The following CDH12 variants were observed in gnomAD, a reference collection of about 807,000 sequenced individuals.
The protein encoded by CDH12 is cadherin 12.
CDH12 carries 41 observed loss-of-function variants against 74.1 expected under a neutral mutation model. That is an observed-to-expected ratio of 0.55 (90% CI 0.43 to 0.72). The LOEUF is 0.72. Among genes scored for constraint, CDH12 ranks in the 30% least tolerant of loss-of-function variants. CDH12 has a pLI of 0.00. For synonymous variants in CDH12, 399 were observed against 355.0 expected, an observed-to-expected ratio of 1.12 and a Z score of -1.39; for missense variants, 945 against 977.2, an observed-to-expected ratio of 0.97 and a Z score of 0.44.
intron 4 of CDH12, among the ~76,000 whole-genome samples, chr5:22,202,691 T>C (rs1263252869): frequency 6.6e-6 from 1 of 152,148 alleles, no homozygotes; most frequent in Non-Finnish European, 1.5e-5. Flanking sequence ...CCATCCATAT[T>C]CTTCACTTTT....
chr5:22,203,302 G>C (rs1233552565), intron 4 of CDH12, among the ~76,000 whole-genome samples: 1 of 152,018 alleles, frequency 6.6e-6, no homozygotes, highest in Non-Finnish European at 1.5e-5. Context: ...ACTTCTATGG[G>C]ATCATCTTTT....
chr5:22,705,158 C>T (rs941653195), intron 1 of CDH12, among the ~76,000 whole-genome samples: 7 of 150,124 alleles, frequency 4.7e-5, no homozygotes, highest in Admixed American at 2.0e-4. Context: ...CACACACACA[C>T]ACACAGTGTA....
At chr5:22,123,132 A>G (rs1394489335) in intron 4 of CDH12, among the ~76,000 whole-genome samples, 1 of 152,326 alleles carries the variant, frequency 6.6e-6, no homozygotes, top group Admixed American at 6.5e-5. Flanking sequence ...TGATGGTATT[A>G]GGAGGTGGGG....
At chr5:22,502,652 GC>G (rs1561452383) in intron 2 of CDH12, among the ~76,000 whole-genome samples, 7 of 137,932 alleles carry the variant, frequency 5.1e-5, no homozygotes, top group African/African-American at 1.8e-4. Context: ...ACACACACAC[GC>G]ACACACAGAC....
At chr5:22,328,116 A>T (rs1341539298) in intron 3 of CDH12, among the ~76,000 whole-genome samples, 1 of 152,138 alleles carries the variant, frequency 6.6e-6, no homozygotes, top group Non-Finnish European at 1.5e-5. Context: ...TCTATCTATA[A>T]ATCCTCCTGG....
At chr5:21,970,293 T>G (rs1412547732) in intron 6 of CDH12, among the ~76,000 whole-genome samples, 1 of 152,294 alleles carries the variant, frequency 6.6e-6, no homozygotes, top group East Asian at 1.9e-4. Flanking sequence ...AGGGCATAGA[T>G]AGAAGTGGAT....
rs537447035 is a variant in CDH12 at position 22,536,478 on chromosome 5, G to A, written c.-522-31114C>T. Among the ~76,000 whole-genome samples, 5 of 152,190 alleles carry A rather than the reference G, an allele frequency of 3.3e-5. No individual in the cohort carries two copies. The South Asian group carries it at 6.2e-4, about 19-fold the overall frequency. On this transcript the variant is annotated intron_variant, in intron 1 of 14. Transcript: ENST00000382254. ...GTGGTGTTGGCTTGCTGATATTTTT[G>A]TACTTGCCAGGTATTGAAAGTGGTA...
intron 6 of CDH12, among the ~76,000 whole-genome samples, chr5:21,880,490 C>T (rs1752193834): frequency 6.2e-5 from 3 of 48,490 alleles, no homozygotes; most frequent in Admixed American, 2.9e-4. Context: ...TTCCTTCCTT[C>T]CTTCCTTCCT....
At chr5:22,110,321 G>T (rs1245761673) in intron 4 of CDH12, among the ~76,000 whole-genome samples, 2 of 152,146 alleles carry the variant, frequency 1.3e-5, no homozygotes, top group Non-Finnish European at 2.9e-5. Flanking sequence ...GGTTCTTCCT[G>T]CTGGTGAACA....
intron 3 of CDH12, among the ~76,000 whole-genome samples, chr5:22,302,250 C>T (rs1737917145): frequency 6.6e-6 from 1 of 152,052 alleles, no homozygotes; most frequent in Non-Finnish European, 1.5e-5. Flanking sequence ...CACACACAGA[C>T]ACATGCATGT....
chr5:22,023,229 T>G (rs2150163689), intron 5 of CDH12, among the ~76,000 whole-genome samples: 1 of 152,208 alleles, frequency 6.6e-6, no homozygotes, highest in Admixed American at 6.5e-5. Context: ...TTATATACAC[T>G]TTTCTTGTAT....
At chr5:22,329,519 A>G (rs528841212) in intron 3 of CDH12, among the ~76,000 whole-genome samples, 2 of 152,308 alleles carry the variant, frequency 1.3e-5, no homozygotes, top group East Asian at 3.9e-4. Flanking sequence ...TTTAACAACC[A>G]TCTGCACACA....
At chr5:21,844,834 G>A (rs1750070171) in intron 7 of CDH12, among the ~76,000 whole-genome samples, 1 of 152,092 alleles carries the variant, frequency 6.6e-6, no homozygotes, top group East Asian at 1.9e-4. Context: ...TAGATAGATG[G>A]ATAGTGATAT....
chr5:22,636,486 T>A (rs990073668), intron 1 of CDH12, among the ~76,000 whole-genome samples: 5 of 152,174 alleles, frequency 3.3e-5, no homozygotes, highest in African/African-American at 4.8e-5. Flanking sequence ...TCTTTAGTAA[T>A]AAAAATGAAG....
chr5:22,288,155 C>A (rs1382664728), intron 3 of CDH12, among the ~76,000 whole-genome samples: 1 of 152,100 alleles, frequency 6.6e-6, no homozygotes, highest in Admixed American at 6.6e-5. Flanking sequence ...CAGAGCCAGA[C>A]CCATTCTCTG....
At chr5:22,302,029 AGAGT>A (rs947336912) in intron 3 of CDH12, among the ~76,000 whole-genome samples, 16 of 151,642 alleles carry the variant, frequency 1.1e-4, no homozygotes, top group African/African-American at 3.6e-4. Flanking sequence ...AGAGAGAGAG[AGAGT>A]GAGTGAGAGA....
chr5:22,184,096 A>G (rs1749798533), intron 4 of CDH12, among the ~76,000 whole-genome samples: 2 of 151,874 alleles, frequency 1.3e-5, no homozygotes, highest in African/African-American at 4.8e-5. Flanking sequence ...TAAGGGTATG[A>G]ATTTAGATAA....
chr5:22,320,733 C>T (rs1209621194), intron 3 of CDH12, among the ~76,000 whole-genome samples: 2 of 152,170 alleles, frequency 1.3e-5, no homozygotes, highest in African/African-American at 4.8e-5. Flanking sequence ...CTAAATTGTA[C>T]AGTGATGACT....
At chr5:21,963,035 C>A (rs549833388) in intron 6 of CDH12, among the ~76,000 whole-genome samples, 1 of 151,994 alleles carries the variant, frequency 6.6e-6, no homozygotes, top group Non-Finnish European at 1.5e-5. Flanking sequence ...AAATTTCAGC[C>A]GCTTCAGCAG....
Sources: gnomAD v4.1 joint callset for allele counts (sites outside exome capture counted in the v4.1 genomes callset) on GRCh38, gnomAD v4.1.1 for gene constraint, MANE v1.5 for transcripts, NCBI Gene and HGNC (gene_info 2026-07-23, HGNC 2026-07-21) for gene names.